CACNA1A: variants seen among roughly 807,000 people sequenced by gnomAD.
The protein encoded by CACNA1A is voltage-dependent P/Q-type calcium channel subunit alpha-1A.
CACNA1A carries 57 observed loss-of-function variants against 262.4 expected under a neutral mutation model. That is an observed-to-expected ratio of 0.22 (90% confidence interval 0.18 to 0.27). The LOEUF (loss-of-function observed/expected upper bound fraction) is 0.27, where lower values mean the gene tolerates loss of function less well. Ranked by LOEUF, CACNA1A falls within the 10% of genes least tolerant of loss-of-function variation. The pLI is 1.00. For synonymous variants in CACNA1A, 1,431 were observed against 1,419.3 expected (o/e 1.01, Z -0.18); for missense variants, 2,526 against 3,562.8 (o/e 0.71, Z 7.41).
intron 1 of CACNA1A, among the ~76,000 whole-genome samples, chr19:13,456,567 G>T (rs190323928): frequency 6.6e-6 from 1 of 152,088 alleles, no homozygotes; most frequent in African/African-American, 2.4e-5. Context: ...CCAGCTACTC[G>T]GGAGGCTGAG....
chr19:13,438,631 C>T (rs1399017919), intron 3 of CACNA1A, among the ~76,000 whole-genome samples: 1 of 152,174 alleles, frequency 6.6e-6, no homozygotes, highest in Non-Finnish European at 1.5e-5. Context: ...ACCAAAGATG[C>T]ATGAATGAGC....
chr19:13,312,029 T>C (rs1337919410), intron 12 of CACNA1A, among the ~76,000 whole-genome samples: 3 of 152,118 alleles, frequency 2.0e-5, no homozygotes, highest in Non-Finnish European at 2.9e-5. Flanking sequence ...CTGGGTGAGA[T>C]TTTCTAGGAT....
intron 1 of CACNA1A, among the ~76,000 whole-genome samples, chr19:13,473,240 G>C (rs1486625004): frequency 1.4e-5 from 2 of 144,026 alleles, no homozygotes; most frequent in African/African-American, 2.7e-5. Context: ...GGGTGACAGA[G>C]TGAGGCCCTG....
chr19:13,277,368 A>T, intron 22 of CACNA1A: 1 of 451,234 alleles, frequency 2.2e-6, no homozygotes, highest in Non-Finnish European at 4.1e-6. Context: ...TAACAAAAAA[A>T]TCACTGTACT....
At chr19:13,393,081 G>A (rs567611760) in intron 3 of CACNA1A, among the ~76,000 whole-genome samples, 1 of 152,228 alleles carries the variant, frequency 6.6e-6, no homozygotes, top group African/African-American at 2.4e-5. Context: ...TTGTTAGGCA[G>A]TTCCTACCAA....
intron 29 of CACNA1A, 103 bp downstream of exon 29, chr19:13,254,992 G>A: frequency 8.3e-7 from 1 of 1,200,618 alleles, no homozygotes; most frequent in Non-Finnish European, 1.2e-6. Context: ...GTGATCCAGA[G>A]TGTGGTCTGT....
At chr19:13,391,834 C>T (rs759878765) in intron 3 of CACNA1A, among the ~76,000 whole-genome samples, 3 of 151,686 alleles carry the variant, frequency 2.0e-5, no homozygotes, top group African/African-American at 4.8e-5. Flanking sequence ...CCCAAGAGTT[C>T]AAGACCAGCC....
At chr19:13,460,971 T>C (rs1279763386) in intron 1 of CACNA1A, among the ~76,000 whole-genome samples, 2 of 152,140 alleles carry the variant, frequency 1.3e-5, no homozygotes, top group Non-Finnish European at 2.9e-5. Context: ...ACGTGGGGAT[T>C]TTTTGTCTAC....
At chr19:13,268,473 G>A (rs1384444691) in intron 24 of CACNA1A, among the ~76,000 whole-genome samples, 2 of 147,138 alleles carry the variant, frequency 1.4e-5, no homozygotes, top group Non-Finnish European at 3.0e-5. Context: ...TCGCTCTGTC[G>A]CCCAGGCTGG....
At position 13,267,928 on chromosome 19, in the gene CACNA1A, A is replaced by G. The variant is rs57253968; in HGVS notation, c.3990-5095T>C. Among the ~76,000 whole-genome samples, 510 of 151,634 alleles carry G rather than the reference A, an allele frequency of 3.4e-3. 1 individual carries two copies. Among genetic ancestry groups the G allele is most frequent in the African/African-American group, 0.012 (491 of 41,354 alleles). On this transcript the variant is annotated intron_variant, in intron 24 of 46. Transcript: ENST00000360228. ...CCCAAGTAGCTGGAAATACAGGCAA[A>G]TTTTTCCATTTTTTGTAGAGACGGG...
chr19:13,455,253 A>G (rs979022312), intron 1 of CACNA1A, 41 bp from the exon 2 acceptor site: 9 of 1,262,550 alleles, frequency 7.1e-6, no homozygotes, highest in Non-Finnish European at 1.0e-5. Flanking sequence ...AAAGAAAAGA[A>G]GGGTGTTGGA....
chr19:13,443,718 C>T (rs2060764012), intron 3 of CACNA1A, among the ~76,000 whole-genome samples: 1 of 152,176 alleles, frequency 6.6e-6, no homozygotes, highest in African/African-American at 2.4e-5. Flanking sequence ...TTGTTAATAA[C>T]AGGCATTACA....
chr19:13,458,155 AT>A (rs2061049844), intron 1 of CACNA1A, among the ~76,000 whole-genome samples: 2 of 151,890 alleles, frequency 1.3e-5, no homozygotes, highest in Non-Finnish European at 1.5e-5. Flanking sequence ...TTTCTTATTT[AT>A]TTTTACTTTT....
At chr19:13,414,085 G>A (rs998876452) in intron 3 of CACNA1A, among the ~76,000 whole-genome samples, 6 of 151,836 alleles carry the variant, frequency 4.0e-5, no homozygotes, top group African/African-American at 1.5e-4. Flanking sequence ...TTAGCCAGGT[G>A]TGTTGGTGCC....
At chr19:13,221,657 A>G (rs2055237605) in intron 38 of CACNA1A, among the ~76,000 whole-genome samples, 1 of 152,066 alleles carries the variant, frequency 6.6e-6, no homozygotes, top group Non-Finnish European at 1.5e-5. Flanking sequence ...CCCTCCGCCA[A>G]AGCTGCACTG....
At chr19:13,495,948 T>C (rs1981455315) in intron 1 of CACNA1A, among the ~76,000 whole-genome samples, 1 of 151,996 alleles carries the variant, frequency 6.6e-6, no homozygotes, top group South Asian at 2.1e-4. Context: ...CATCTACCAA[T>C]CTACTTATCC....
intron 15 of CACNA1A, among the ~76,000 whole-genome samples, chr19:13,305,555 G>C (rs2057882110): frequency 6.6e-6 from 1 of 152,112 alleles, no homozygotes; most frequent in Non-Finnish European, 1.5e-5. Context: ...CTGATATTTG[G>C]GGCCAGATTA....
At chr19:13,225,490 C>T (rs957769202) in intron 37 of CACNA1A, 5 of 152,212 alleles carry the variant, frequency 3.3e-5, no homozygotes, top group Admixed American at 2.6e-4. Flanking sequence ...CACTCCCTTC[C>T]AGCCCAGGGA....
At chr19:13,439,436 G>A (rs183623039) in intron 3 of CACNA1A, among the ~76,000 whole-genome samples, 6 of 141,992 alleles carry the variant, frequency 4.2e-5, no homozygotes, top group African/African-American at 1.6e-4. Flanking sequence ...GTCTCGTTCT[G>A]TCGCCCAGGC....
Sources: gnomAD v4.1 joint callset for allele counts (sites outside exome capture counted in the v4.1 genomes callset) on GRCh38, gnomAD v4.1.1 for gene constraint, MANE v1.5 for transcripts, NCBI Gene and HGNC (gene_info 2026-07-23, HGNC 2026-07-21) for gene names.